GLIS2: variants seen among roughly 807,000 people sequenced by gnomAD.
GLIS2 encodes the protein zinc finger protein GLIS2.
A neutral mutation model predicts 35.6 loss-of-function variants in GLIS2; 14 were observed. That is an observed-to-expected ratio of 0.39 (90% confidence interval 0.26 to 0.61). GLIS2 has a LOEUF of 0.61. GLIS2 is among the 20% of genes least tolerant of loss of function. GLIS2 has a pLI of 0.48. For synonymous variants in GLIS2, 368 were observed against 325.1 expected (o/e 1.13, Z -1.42); for missense variants, 675 against 713.4 (o/e 0.95, Z 0.61).
chr16:4,314,876 T>C (rs2053290301), upstream of GLIS2: 1 of 152,232 alleles, frequency 6.6e-6, no homozygotes, highest in Non-Finnish European at 1.5e-5. Flanking sequence ...GCTGTTTTTT[T>C]GAACTACAAT....
At chr16:4,325,115 G>C (rs1011772881) in intron 1 of GLIS2, among the ~76,000 whole-genome samples, 2 of 152,178 alleles carry the variant, frequency 1.3e-5, no homozygotes, top group African/African-American at 4.8e-5. Context: ...CAAGCCTCCT[G>C]GTGGGCCCCC....
Position 4,335,137 on chromosome 16 carries a change from G to C in GLIS2, c.600G>C (p.Ala200=), listed in dbSNP as rs186957679. 21 of 1,613,210 alleles carry C rather than the reference G, an allele frequency of 1.3e-5. No individual in the cohort carries two copies. The highest frequency in any genetic ancestry group is 1.8e-5 in the Non-Finnish European group (21 of 1,180,038). The change falls in exon 5 of 7, where the codon GCG becomes GCC. Residue 200 remains alanine (A), a synonymous_variant. Coordinates refer to ENST00000433375, the MANE Select transcript of GLIS2 (RefSeq NM_032575.3). This position sits in a 1 kb window ranked among gnomAD's most constrained non-coding sequence, Gnocchi z 4.6. The part of the protein sequence containing the change: ...NDYHVKPEKD[A]GYCCHWEGCA... ...ACCATGTCAAGCCCGAGAAGGATGCGGGGTACTGCTGCCACTGGGAGGGCT... is the reference window on the plus strand; with the variant it reads ...ACCATGTCAAGCCCGAGAAGGATGCCGGGTACTGCTGCCACTGGGAGGGCT...
chr16:4,331,534 T>A (rs1483782625), intron 1 of GLIS2: 1 of 153,032 alleles, frequency 6.5e-6, no homozygotes, highest in Admixed American at 6.5e-5. Context: ...TATTTCTGCG[T>A]ATGTGTCTTT....
intron 1 of GLIS2, among the ~76,000 whole-genome samples, chr16:4,323,479 G>C (rs769287112): frequency 1.3e-5 from 2 of 152,228 alleles, no homozygotes; most frequent in Non-Finnish European, 2.9e-5. Flanking sequence ...GGAGGCCACT[G>C]CAGCAGGGGC....
chr16:4,317,898 C>G (rs561090481), intron 1 of GLIS2, among the ~76,000 whole-genome samples: 1 of 152,098 alleles, frequency 6.6e-6, no homozygotes, highest in Non-Finnish European at 1.5e-5. Context: ...TTAGCGCTGA[C>G]CCCCTGTGCC....
At chr16:4,333,804 G>C (rs1277364951) in intron 3 of GLIS2, among the ~76,000 whole-genome samples, 2 of 152,054 alleles carry the variant, frequency 1.3e-5, no homozygotes, top group Non-Finnish European at 2.9e-5. Flanking sequence ...ATCTCTCTCT[G>C]GTTTCTCTTA....
intron 1 of GLIS2, among the ~76,000 whole-genome samples, chr16:4,318,494 C>T (rs2141118871): frequency 6.6e-6 from 1 of 152,344 alleles, no homozygotes; most frequent in East Asian, 1.9e-4. Flanking sequence ...AACCGCGTCC[C>T]CCCAAAGCTT....
intron 6 of GLIS2, 83 bp from the exon 7 acceptor site, chr16:4,336,642 C>G (rs1223262144): frequency 7.2e-6 from 10 of 1,387,238 alleles, no homozygotes; most frequent in Non-Finnish European, 1.0e-5. Context: ...AGTGCTTGGC[C>G]CGGGGAAATG....
chr16:4,329,202 TG>T (rs1273025863), intron 1 of GLIS2: 4 of 152,312 alleles, frequency 2.6e-5, no homozygotes, highest in Admixed American at 2.0e-4. Context: ...GATAGACAGA[TG>T]GAACTGGCAG....
chr16:4,323,043 C>T (rs746592365), intron 1 of GLIS2, among the ~76,000 whole-genome samples: 4 of 152,372 alleles, frequency 2.6e-5, no homozygotes, highest in Non-Finnish European at 5.9e-5. Context: ...CCTGTGTGTG[C>T]CACATTTGTG....
intron 6 of GLIS2, 128 bp from the exon 7 acceptor site, chr16:4,336,597 C>G (rs532656449): frequency 1.1e-6 from 1 of 938,392 alleles, no homozygotes; most frequent in African/African-American, 1.6e-5. Flanking sequence ...GGGATGCCCC[C>G]TGCCCCCAGA....
At chr16:4,319,633 C>T (rs1439080312) in intron 1 of GLIS2, among the ~76,000 whole-genome samples, 1 of 152,250 alleles carries the variant, frequency 6.6e-6, no homozygotes, top group Non-Finnish European at 1.5e-5. Context: ...CTGGTGAATT[C>T]TAAGTCAGGC....
At chr16:4,329,093 C>T (rs1448022302) in intron 1 of GLIS2, 1 of 152,270 alleles carries the variant, frequency 6.6e-6, no homozygotes, top group South Asian at 2.1e-4. Flanking sequence ...ATATTTACTT[C>T]CTTCCTCCCC....
intron 1 of GLIS2, among the ~76,000 whole-genome samples, chr16:4,322,852 GGGCCT>G (rs2053392657): frequency 1.3e-5 from 2 of 152,314 alleles, no homozygotes; most frequent in African/African-American, 4.8e-5. Flanking sequence ...CGTGGGCCAC[GGGCCT>G]GCCCCGACCC....
At chr16:4,318,355 AG>A (rs745310500) in intron 1 of GLIS2, among the ~76,000 whole-genome samples, 10 of 152,108 alleles carry the variant, frequency 6.6e-5, no homozygotes, top group South Asian at 2.1e-4. Context: ...GCCTGGGTGG[AG>A]GGGGGTCAGG....
At chr16:4,331,870 G>A (rs1307409369) in intron 1 of GLIS2, 2 of 309,062 alleles carry the variant, frequency 6.5e-6, no homozygotes, top group Non-Finnish European at 1.3e-5. Context: ...GATCGCTTGA[G>A]CCTAGGAGGT....
Position 4,337,219 on chromosome 16 carries a change from G to A in GLIS2, c.1270G>A (p.Gly424Ser), listed in dbSNP as rs1439243163. The A allele has an allele frequency of 1.3e-6, 2 of 1,547,538 alleles. No individual in the cohort carries two copies. The highest frequency in any genetic ancestry group is 1.2e-5 in the South Asian group (1 of 84,090). The change falls in exon 7 of 7, where the codon GGC becomes AGC. Residue 424 changes from glycine to serine, a missense_variant. Transcript: ENST00000433375. ...NPLLPSPFGA[G>S]GLGLPVVSLL... ...GCTGCTGCCCTCGCCCTTTGGGGCT[G>A]GCGGACTGGGCTTGCCTGTGGTCTC...
At position 4,333,362 on chromosome 16, in the gene GLIS2, C is replaced by A; in HGVS notation, c.188C>A (p.Ser63Tyr). The A allele has an allele frequency of 6.2e-7, 1 of 1,613,084 alleles. No individual in the cohort carries two copies. The highest frequency in any genetic ancestry group is 8.5e-7 in the Non-Finnish European group (1 of 1,180,014). The change falls in exon 3 of 7, where the codon TCC becomes TAC. Residue 63 changes from serine (S) to tyrosine (Y), a missense_variant. Physicochemically the swap from Ser to Tyr is moderately radical, Grantham distance 144. Transcript: ENST00000433375. ...GSPPSGFLLN[S>Y]KFPEKVEGRF... ...TCTCCCTCAGGCTTCCTGCTGAACTCCAAGTTCCCCGAGAAGGTGGAGGGA... is the reference window on the plus strand; with the variant it reads ...TCTCCCTCAGGCTTCCTGCTGAACTACAAGTTCCCCGAGAAGGTGGAGGGA...
upstream of GLIS2, among the ~76,000 whole-genome samples, chr16:4,315,658 C>T (rs191443549): frequency 0.012 from 1,610 of 139,598 alleles, 36 homozygotes; most frequent in African/African-American, 0.044. Flanking sequence ...GGGCCGGGGG[C>T]GGGGCCGCGG....
Sources: gnomAD v4.1 joint callset for allele counts (sites outside exome capture counted in the v4.1 genomes callset) on GRCh38, gnomAD v4.1.1 for gene constraint, Gnocchi (gnomAD v3.1) non-coding constraint, MANE v1.5 for transcripts, NCBI Gene and HGNC (gene_info 2026-07-23, HGNC 2026-07-21) for gene names.